Variants in STX5 observed in about 807,000 individuals in gnomAD.
STX5 encodes the protein syntaxin 5.
STX5 carries 15 observed loss-of-function variants against 42.9 expected under a neutral mutation model. The observed-to-expected ratio is 0.35, with a 90% CI of 0.23 to 0.54. STX5 has a LOEUF of 0.54. Among genes scored for constraint, STX5 ranks in the 20% least tolerant of loss-of-function variants. The pLI is 0.91. For synonymous variants in STX5, 184 were observed against 173.2 expected (o/e 1.06, Z -0.49); for missense variants, 430 against 455.0 (o/e 0.95, Z 0.50).
chr11:62,808,132 A>G (rs1019814884), intron 10 of STX5: 1 of 156,158 alleles, frequency 6.4e-6, no homozygotes, highest in African/African-American at 2.4e-5. Flanking sequence ...CAGGGGATAA[A>G]AAAAGCTCTA....
chr11:62,809,721 C>T lies in STX5; in HGVS notation c.909-2093G>A, dbSNP rs192635950. 5.1e-4 allele frequency among the ~76,000 whole-genome samples: 67 copies of T among 130,650 alleles called. 1 individual carries two copies. In the East Asian group the frequency reaches 0.016, roughly 31 times the overall value. The allele number at this position is 130,650 out of a possible 152,430, so 85.7% of individuals were successfully genotyped here. On this transcript the variant is annotated intron_variant, in intron 10 of 10. Coordinates refer to ENST00000294179, the MANE Select transcript of STX5 (RefSeq NM_003164.5). The stretch of plus-strand genomic sequence containing the variant: ...AAAAAAAAAAGACATTATGGCTGTT[C>T]AGGAGAATGCCTTATTATTAGCATG...
At chr11:62,808,310 C>G (rs1360651130) in intron 10 of STX5, among the ~76,000 whole-genome samples, 1 of 151,950 alleles carries the variant, frequency 6.6e-6, no homozygotes, top group Non-Finnish European at 1.5e-5. Context: ...CCTACAGTCC[C>G]AGCTACTCGG....
intron 10 of STX5, among the ~76,000 whole-genome samples, chr11:62,811,305 C>T (rs1341376388): frequency 6.6e-6 from 1 of 152,192 alleles, no homozygotes; most frequent in Non-Finnish European, 1.5e-5. Flanking sequence ...ATTTAGCTGT[C>T]CCATGAAGTC....
intron 10 of STX5, among the ~76,000 whole-genome samples, chr11:62,814,144 C>T (rs1418804562): frequency 5.3e-5 from 8 of 151,962 alleles, no homozygotes; most frequent in East Asian, 1.9e-4. Context: ...AAGCCTATAG[C>T]GATGCTCAGA....
intron 2 of STX5, 86 bp from the exon 3 acceptor site, chr11:62,827,717 A>C: frequency 4.4e-6 from 6 of 1,363,676 alleles, no homozygotes; most frequent in Non-Finnish European, 6.3e-6. Context: ...CCACTAACCT[A>C]TCTCTAGTGC....
chr11:62,825,828 A>C (rs771759075), intron 5 of STX5, among the ~76,000 whole-genome samples: 1 of 152,202 alleles, frequency 6.6e-6, no homozygotes, highest in Non-Finnish European at 1.5e-5. Context: ...CTGTGAGGCC[A>C]TGCTCTTGGC....
chr11:62,825,414 A>C lies in STX5; in HGVS notation c.540+9T>G. On this transcript the variant is annotated intron_variant, in intron 6 of 10. Transcript: ENST00000294179. Reference sequence around the variant, plus strand: ...TCTTTGCCTCCCTCCCTTCCTCCCCAGGTCCCACCTGCAAGGAGACCACAA... The same window carrying C: ...TCTTTGCCTCCCTCCCTTCCTCCCCCGGTCCCACCTGCAAGGAGACCACAA... 6.2e-7 allele frequency: 1 copy of C among 1,614,104 alleles called. No homozygotes were observed. Among genetic ancestry groups the C allele is most frequent in the Non-Finnish European group, 8.5e-7 (1 of 1,179,998 alleles).
At chr11:62,827,003 TCA>T in intron 5 of STX5, 150 bp downstream of exon 5, 1 of 660,850 alleles carries the variant, frequency 1.5e-6, no homozygotes, top group Non-Finnish European at 2.6e-6. Context: ...GTGAGCTAGG[TCA>T]CACCACTACA....
intron 10 of STX5, among the ~76,000 whole-genome samples, chr11:62,816,911 A>C (rs1590966880): frequency 6.6e-6 from 1 of 151,598 alleles, no homozygotes; most frequent in Admixed American, 6.6e-5. Context: ...AGAAAGAAAG[A>C]GCTGTCTATT....
chr11:62,824,667 G>T (rs2084775470), intron 8 of STX5, 102 bp from the exon 9 acceptor site: 2 of 1,112,146 alleles, frequency 1.8e-6, no homozygotes, highest in East Asian at 2.5e-5. Flanking sequence ...TACTAGCCTT[G>T]TGACCCTGGA....
intron 5 of STX5, 148 bp from the exon 6 acceptor site, chr11:62,825,687 G>A: frequency 1.3e-6 from 1 of 751,578 alleles, no homozygotes; most frequent in Non-Finnish European, 2.2e-6. Context: ...AGATGGGCCT[G>A]CTAGGATTTT....
At chr11:62,823,138 C>T (rs1484127575) in intron 10 of STX5, among the ~76,000 whole-genome samples, 1 of 152,016 alleles carries the variant, frequency 6.6e-6, no homozygotes, top group African/African-American at 2.4e-5. Context: ...TTCAGAGCAG[C>T]ATTCCCTACC....
intron 9 of STX5, 46 bp downstream of exon 9, chr11:62,824,413 G>A (rs201107842): frequency 1.2e-6 from 2 of 1,613,496 alleles, no homozygotes; most frequent in Non-Finnish European, 1.7e-6. Context: ...GGGAACCACA[G>A]AGGATAATGG....
At chr11:62,808,375 C>T (rs2084576591) in intron 10 of STX5, among the ~76,000 whole-genome samples, 1 of 149,708 alleles carries the variant, frequency 6.7e-6, no homozygotes. Context: ...CTTGATGCTG[C>T]AGTGAGATTG....
At chr11:62,820,615 C>G (rs1442883237) in intron 10 of STX5, among the ~76,000 whole-genome samples, 1 of 151,166 alleles carries the variant, frequency 6.6e-6, no homozygotes, top group Non-Finnish European at 1.5e-5. Flanking sequence ...TGGGTTCACA[C>G]CATTCTTCTG....
At chr11:62,813,093 CAAA>C (rs371506460) in intron 10 of STX5, among the ~76,000 whole-genome samples, 2 of 64,418 alleles carry the variant, frequency 3.1e-5, no homozygotes, top group Non-Finnish European at 3.2e-5. Flanking sequence ...GACTCCGTCT[CAAA>C]AAAAAAAAAA....
chr11:62,809,065 G>A (rs1440237506), intron 10 of STX5, among the ~76,000 whole-genome samples: 6 of 149,210 alleles, frequency 4.0e-5, no homozygotes, highest in African/African-American at 9.9e-5. Context: ...GAGGCAGGCC[G>A]ATCACGAAGT....
At chr11:62,828,926 G>A (rs1338126741) in intron 2 of STX5, among the ~76,000 whole-genome samples, 2 of 151,728 alleles carry the variant, frequency 1.3e-5, no homozygotes, top group African/African-American at 4.8e-5. Flanking sequence ...TTAGCTGGGT[G>A]TCCTGGCACC....
intron 10 of STX5, among the ~76,000 whole-genome samples, chr11:62,823,477 C>G (rs1326412585): frequency 6.6e-6 from 1 of 151,920 alleles, no homozygotes; most frequent in Non-Finnish European, 1.5e-5. Context: ...CCATTACTTT[C>G]TTAACACATC....
Sources: gnomAD v4.1 joint callset for allele counts (sites outside exome capture counted in the v4.1 genomes callset) on GRCh38, gnomAD v4.1.1 for gene constraint, MANE v1.5 for transcripts, NCBI Gene and HGNC (gene_info 2026-07-23, HGNC 2026-07-21) for gene names.